The following RAMP1 variants were observed in gnomAD, a reference collection of about 807,000 sequenced individuals.
RAMP1 encodes the protein receptor activity-modifying protein 1.
RAMP1 carries 7 observed loss-of-function variants against 8.2 expected under a neutral mutation model. The ratio of observed to expected loss-of-function variants is 0.85; its 90% confidence interval spans 0.49 to 1.60. RAMP1 has a LOEUF of 1.60. Among genes scored for constraint, RAMP1 ranks in the 40% most tolerant of loss-of-function variants. The pLI is 0.00. For missense variants in RAMP1, 192 were observed against 202.4 expected (o/e 0.95, Z 0.31); for synonymous variants, 92 against 84.7 (o/e 1.09, Z -0.47).
In RAMP1 at chr2:237,877,509, A is replaced by T. The variant is rs2062321169; in HGVS notation, c.191+147A>T. On this transcript the variant is annotated intron_variant, in intron 2 of 2. Coordinates refer to ENST00000254661, the MANE Select transcript of RAMP1 (RefSeq NM_005855.4). This position sits in a 1 kb window ranked among gnomAD's most constrained non-coding sequence, Gnocchi z 4.4. Reference sequence around the variant, plus strand: ...CCCAGTGGGGGGGGCCGGGATGAAGACAGAGGAGGGAGCCAGTAGCAGGTG... The same window carrying T: ...CCCAGTGGGGGGGGCCGGGATGAAGTCAGAGGAGGGAGCCAGTAGCAGGTG... 1 of 1,138,368 alleles carries T rather than the reference A, an allele frequency of 8.8e-7. No individual in the cohort carries two copies. Among genetic ancestry groups the T allele is most frequent in the Non-Finnish European group, 1.2e-6 (1 of 826,152 alleles). The allele number at this position is 1,138,368 out of a possible 1,614,324, so 70.5% of individuals were successfully genotyped here. A position where few individuals can be genotyped will look rare whatever the true frequency, so the allele number is the denominator to read the frequency against.
chr2:237,885,917 C>T (rs2062426184), intron 2 of RAMP1, among the ~76,000 whole-genome samples: 1 of 152,228 alleles, frequency 6.6e-6, no homozygotes, highest in African/African-American at 2.4e-5. Context: ...ATGGCCAGCC[C>T]CGCGGGAGGC....
At position 237,905,932 on chromosome 2, in the gene RAMP1, A is replaced by G. The variant is rs2062646431; in HGVS notation, c.192-5596A>G. Among the ~76,000 whole-genome samples the G allele has an allele frequency of 2.7e-5, 4 of 149,946 alleles. No individual in the cohort carries two copies. The South Asian group carries it at 8.4e-4, about 32-fold the overall frequency. On this transcript the variant is annotated intron_variant, in intron 2 of 2. Coordinates refer to ENST00000254661, the MANE Select transcript of RAMP1 (RefSeq NM_005855.4). ...AGGCTGAGGCAGGAGAATCGCTTGA[A>G]CCTGGGAAGCGGAGGTTGCAGTGAG...
At chr2:237,892,932 G>T (rs981785655) in intron 2 of RAMP1, among the ~76,000 whole-genome samples, 1 of 152,156 alleles carries the variant, frequency 6.6e-6, no homozygotes, top group Non-Finnish European at 1.5e-5. Flanking sequence ...CCCTTGCTCT[G>T]ATAGGGCTCT....
chr2:237,872,527 C>T (rs2062257384), intron 1 of RAMP1, among the ~76,000 whole-genome samples: 1 of 152,228 alleles, frequency 6.6e-6, no homozygotes, highest in Admixed American at 6.5e-5. Context: ...CCTCCACAGA[C>T]ATGGGTCACC....
At chr2:237,859,786 A>C (rs1198594474) in intron 1 of RAMP1, 59 bp downstream of exon 1, 24 of 896,782 alleles carry the variant, frequency 2.7e-5, no homozygotes, top group East Asian at 4.5e-5. Context: ...GGTGTCCTCT[A>C]GGGGAGAGGA....
intron 2 of RAMP1, among the ~76,000 whole-genome samples, chr2:237,891,577 C>T (rs1306441246): frequency 2.0e-5 from 3 of 151,332 alleles, no homozygotes; most frequent in Non-Finnish European, 4.4e-5. Flanking sequence ...CTTTTTTTGC[C>T]GTAGGGAGGA....
chr2:237,864,731 C>T (rs2062169499), intron 1 of RAMP1, among the ~76,000 whole-genome samples: 1 of 152,206 alleles, frequency 6.6e-6, no homozygotes, highest in Non-Finnish European at 1.5e-5. Flanking sequence ...TCCATAGTGC[C>T]AGGGTGGGGC....
chr2:237,870,794 C>T (rs1254681794), intron 1 of RAMP1, among the ~76,000 whole-genome samples: 6 of 152,132 alleles, frequency 3.9e-5, no homozygotes, highest in Non-Finnish European at 7.4e-5. Flanking sequence ...CTGGAGGCTG[C>T]CACAGTTATC....
chr2:237,898,822 A>AGT, intron 2 of RAMP1, among the ~76,000 whole-genome samples: 2 of 152,174 alleles, frequency 1.3e-5, no homozygotes, highest in African/African-American at 4.8e-5. Context: ...GACGCACGCC[A>AGT]GGCCAGGCCA....
intron 2 of RAMP1, among the ~76,000 whole-genome samples, chr2:237,906,481 C>A (rs2062652703): frequency 6.6e-6 from 1 of 152,136 alleles, no homozygotes; most frequent in South Asian, 2.1e-4. Context: ...CCAGGGGTCT[C>A]CTCACATTTA....
intron 1 of RAMP1, among the ~76,000 whole-genome samples, chr2:237,871,571 G>A (rs1241641063): frequency 2.0e-5 from 3 of 152,072 alleles, no homozygotes; most frequent in Non-Finnish European, 4.4e-5. Context: ...CTATGGGCTG[G>A]GGAGCTCTGG....
chr2:237,895,874 G>A (rs567350104), intron 2 of RAMP1, among the ~76,000 whole-genome samples: 5 of 152,254 alleles, frequency 3.3e-5, no homozygotes, highest in Admixed American at 2.6e-4. Flanking sequence ...CCTGAGACTC[G>A]GACACATGTC....
intron 2 of RAMP1, among the ~76,000 whole-genome samples, chr2:237,882,722 G>A (rs953102575): frequency 6.6e-6 from 1 of 150,920 alleles, no homozygotes; most frequent in Non-Finnish European, 1.5e-5. Context: ...GGGTTCTAGG[G>A]TGGGCAAGTT....
intron 1 of RAMP1, among the ~76,000 whole-genome samples, chr2:237,868,741 C>T (rs901113364): frequency 6.6e-6 from 1 of 152,142 alleles, no homozygotes; most frequent in Non-Finnish European, 1.5e-5. Context: ...TTGCCTCTGC[C>T]TTGTGCTCAT....
intron 2 of RAMP1, among the ~76,000 whole-genome samples, chr2:237,897,111 A>G (rs1402652413): frequency 6.6e-6 from 1 of 152,202 alleles, no homozygotes; most frequent in Non-Finnish European, 1.5e-5. Context: ...AGCTATCATG[A>G]GGTGTGCATC....
At chr2:237,896,004 C>A (rs538324658) in intron 2 of RAMP1, among the ~76,000 whole-genome samples, 1 of 152,176 alleles carries the variant, frequency 6.6e-6, no homozygotes, top group Admixed American at 6.5e-5. Flanking sequence ...TGCCAGGACA[C>A]CTCCCAGGGG....
chr2:237,875,245 G>T (rs1309661134), intron 1 of RAMP1, among the ~76,000 whole-genome samples: 1 of 152,144 alleles, frequency 6.6e-6, no homozygotes, highest in Non-Finnish European at 1.5e-5. Context: ...AAGCCCCCAG[G>T]GTGGGGGGTG....
At chr2:237,893,997 T>C (rs2062513057) in intron 2 of RAMP1, among the ~76,000 whole-genome samples, 1 of 117,864 alleles carries the variant, frequency 8.5e-6, no homozygotes, top group African/African-American at 3.3e-5. Flanking sequence ...TTTGAGACAG[T>C]CTCACTCTGT....
At chr2:237,892,024 A>G (rs1222301777) in intron 2 of RAMP1, among the ~76,000 whole-genome samples, 2 of 152,116 alleles carry the variant, frequency 1.3e-5, no homozygotes, top group East Asian at 3.8e-4. Context: ...CAGCCTTTCA[A>G]CTACTTGAAG....
Sources: gnomAD v4.1 joint callset for allele counts (sites outside exome capture counted in the v4.1 genomes callset) on GRCh38, gnomAD v4.1.1 for gene constraint, Gnocchi (gnomAD v3.1) non-coding constraint, MANE v1.5 for transcripts, NCBI Gene and HGNC (gene_info 2026-07-23, HGNC 2026-07-21) for gene names.